Variants in ZNRF2 observed in about 807,000 individuals in gnomAD.
ZNRF2 encodes zinc and ring finger 2.
ZNRF2 carries 16 observed loss-of-function variants against 20.4 expected under a neutral mutation model. The ratio of observed to expected loss-of-function variants is 0.79; its 90% CI spans 0.53 to 1.19. The LOEUF is 1.19. Ranked by LOEUF, ZNRF2 falls within the 50% of genes most tolerant of loss-of-function variation. The pLI, the probability that ZNRF2 is intolerant of heterozygous loss-of-function variation, is 0.00. For missense variants in ZNRF2, 363 were observed against 332.4 expected, an observed-to-expected ratio of 1.09 and a Z score of -0.72; for synonymous variants, 178 against 144.9, an observed-to-expected ratio of 1.23 and a Z score of -1.64.
At chr7:30,305,218 G>C (rs1041333771) in intron 1 of ZNRF2, among the ~76,000 whole-genome samples, 2 of 152,160 alleles carry the variant, frequency 1.3e-5, no homozygotes, top group African/African-American at 4.8e-5. Flanking sequence ...TTCCCCTGGA[G>C]AACAGTTGTT....
chr7:30,314,358 G>A (rs541900489), intron 1 of ZNRF2, among the ~76,000 whole-genome samples: 3 of 152,222 alleles, frequency 2.0e-5, no homozygotes, highest in Non-Finnish European at 4.4e-5. Flanking sequence ...TAGCATCACA[G>A]TGACAGGAAA....
At chr7:30,301,913 G>A (rs1196149120) in intron 1 of ZNRF2, among the ~76,000 whole-genome samples, 2 of 152,168 alleles carry the variant, frequency 1.3e-5, no homozygotes, top group East Asian at 3.9e-4. Context: ...GCTGCTGCTT[G>A]TTCAGGGAAG....
At position 30,285,505 on chromosome 7, in the gene ZNRF2, C is replaced by T; in HGVS notation, c.148C>T (p.Pro50Ser). The T allele has an allele frequency of 9.5e-7, 1 of 1,050,324 alleles. No individual in the cohort carries two copies. The highest frequency in any genetic ancestry group is 3.3e-5 in the South Asian group (1 of 30,540). 65.1% of individuals were successfully genotyped at this position (1,050,324 alleles called of 1,614,324 possible). A position where few individuals can be genotyped will look rare whatever the true frequency, so the allele number is the denominator to read the frequency against. The part of the protein sequence containing the change: ...GARAAAAGRF[P>S]AQVPSAHQPS... ...TCGGGCCGCCGCCGCGGGGAGGTTC[C>T]CGGCTCAGGTGCCCAGCGCGCACCA... is the stretch of plus-strand genomic sequence containing the variant. The change falls in exon 1 of 5, where the codon CCG (proline) becomes TCG (serine). Residue 50 changes from proline (P) to serine (S), a missense_variant. By Grantham distance (74) the Pro-to-Ser change is moderately conservative. Around this residue, in one of 2 missense-constraint regions of ZNRF2, gnomAD observed 302 missense variants for 231.5 expected, o/e 1.30. Transcript: ENST00000323037.
chr7:30,310,453 T>C (rs1799274849), intron 1 of ZNRF2, among the ~76,000 whole-genome samples: 2 of 152,220 alleles, frequency 1.3e-5, no homozygotes, highest in Non-Finnish European at 2.9e-5. Context: ...TTTGCAGATC[T>C]TTTGGTCTCT....
intron 2 of ZNRF2, among the ~76,000 whole-genome samples, chr7:30,338,534 T>G (rs1039691070): frequency 6.6e-6 from 1 of 151,680 alleles, no homozygotes; most frequent in Admixed American, 6.6e-5. Flanking sequence ...TGTTTGGTTT[T>G]CTGTTCCTGT....
chr7:30,310,939 G>A (rs1391342184), intron 1 of ZNRF2, among the ~76,000 whole-genome samples: 1 of 152,146 alleles, frequency 6.6e-6, no homozygotes, highest in Non-Finnish European at 1.5e-5. Context: ...CCAAGTTTGG[G>A]GTTGAAAGAA....
chr7:30,340,394 T>C (rs1209275951), intron 2 of ZNRF2, among the ~76,000 whole-genome samples: 2 of 152,196 alleles, frequency 1.3e-5, no homozygotes, highest in African/African-American at 4.8e-5. Context: ...TTGTCATAAA[T>C]AGTTATTATT....
chr7:30,292,989 T>G (rs1798938725), intron 1 of ZNRF2, among the ~76,000 whole-genome samples: 1 of 151,838 alleles, frequency 6.6e-6, no homozygotes, highest in African/African-American at 2.4e-5. Flanking sequence ...GTGGCAAGAG[T>G]CAGCAAGGAG....
chr7:30,324,337 C>T (rs1311932419), intron 2 of ZNRF2, among the ~76,000 whole-genome samples: 1 of 150,272 alleles, frequency 6.7e-6, no homozygotes, highest in Admixed American at 6.6e-5. Context: ...AGTTTGAGAC[C>T]AGCCTGGCCA....
rs148116569 is a variant in ZNRF2, at chr7:30,337,730, C to T, written c.565+13993C>T. ...TTGCATTTGCTTGCTATCTTTGCTT[C>T]TTTATTATAAATAAATTAATAAAAT... On this transcript the variant is annotated intron_variant, in intron 2 of 4. Coordinates refer to ENST00000323037, the MANE Select transcript of ZNRF2 (RefSeq NM_147128.4). Among the ~76,000 whole-genome samples the T allele has an allele frequency of 8.1e-3, 1,232 of 151,880 alleles. 5 individuals carry two copies. The highest frequency in any genetic ancestry group is 0.013 in the Non-Finnish European group (893 of 67,914).
At chr7:30,354,391 A>G (rs1345633782) in intron 2 of ZNRF2, among the ~76,000 whole-genome samples, 3 of 152,056 alleles carry the variant, frequency 2.0e-5, no homozygotes, top group African/African-American at 7.2e-5. Flanking sequence ...GTGCCCTGTT[A>G]CCTCCTCCAG....
chr7:30,345,009 A>G (rs374040717), intron 2 of ZNRF2, among the ~76,000 whole-genome samples: 4 of 152,144 alleles, frequency 2.6e-5, no homozygotes, highest in East Asian at 1.9e-4. Flanking sequence ...AGAATGCCCA[A>G]AGAACTCTTT....
chr7:30,298,987 T>TA (rs1278103119), intron 1 of ZNRF2, among the ~76,000 whole-genome samples: 4 of 152,272 alleles, frequency 2.6e-5, no homozygotes, highest in Non-Finnish European at 5.9e-5. Flanking sequence ...CTTGATTTTT[T>TA]ATAGGTGTAT....
At chr7:30,357,254 C>T (rs1403055564) in intron 3 of ZNRF2, among the ~76,000 whole-genome samples, 2 of 152,144 alleles carry the variant, frequency 1.3e-5, no homozygotes, top group African/African-American at 4.8e-5. Context: ...TTGATCATGT[C>T]CTAGAACATA....
chr7:30,317,670 C>T (rs2128061815), intron 1 of ZNRF2, among the ~76,000 whole-genome samples: 1 of 152,214 alleles, frequency 6.6e-6, no homozygotes, highest in East Asian at 1.9e-4. Context: ...CAAAAGAGGG[C>T]CAACAGCCAG....
rs947572463 is a variant in ZNRF2, at chr7:30,367,564, A to T, written c.*1552A>T. 1.3e-5 allele frequency: 2 copies of T among 151,834 alleles called. No homozygotes were observed. Among genetic ancestry groups the T allele is most frequent in the Non-Finnish European group, 2.9e-5 (2 of 67,848 alleles). The allele number at this position is 151,834 out of a possible 1,614,324, so 9.4% of individuals were successfully genotyped here. A position where few individuals can be genotyped will look rare whatever the true frequency, so the allele number is the denominator to read the frequency against. The stretch of plus-strand genomic sequence containing the variant: ...CGCTGCTACTCTTAATCTTCTCTAA[A>T]TTTTTCCCCCTACTTTCTTGCTTCT... On this transcript the variant is annotated 3_prime_UTR_variant, in exon 5 of 5. Transcript: ENST00000323037.
intron 2 of ZNRF2, among the ~76,000 whole-genome samples, chr7:30,333,698 T>C (rs1032549724): frequency 6.6e-6 from 1 of 152,238 alleles, no homozygotes; most frequent in African/African-American, 2.4e-5. Flanking sequence ...GTAGTCATTC[T>C]GACTTGCGTG....
chr7:30,314,278 C>G (rs1799332636), intron 1 of ZNRF2, among the ~76,000 whole-genome samples: 1 of 152,132 alleles, frequency 6.6e-6, no homozygotes, highest in Admixed American at 6.6e-5. Flanking sequence ...TTTTCTCTGT[C>G]AGAATTATTT....
chr7:30,288,839 A>C (rs1176420478), intron 1 of ZNRF2: 1 of 152,172 alleles, frequency 6.6e-6, no homozygotes, highest in South Asian at 2.1e-4. Context: ...ACAGGTCTTA[A>C]GGGTATTTCC....
Sources: allele counts gnomAD v4.1 joint callset (sites outside exome capture counted in the v4.1 genomes callset), GRCh38; gene constraint gnomAD v4.1.1; regional missense constraint gnomAD v4.1.1; transcripts MANE v1.5; gene names NCBI Gene and HGNC (gene_info 2026-07-23, HGNC 2026-07-21).